Variants in SEMA6D observed in about 807,000 individuals in gnomAD.
SEMA6D encodes semaphorin 6D, also known as semaphorin-6D.
SEMA6D carries 35 observed loss-of-function variants against 106.6 expected under a neutral mutation model. The ratio of observed to expected loss-of-function variants is 0.33; its 90% confidence interval spans 0.25 to 0.44. The LOEUF is 0.44. Ranked by LOEUF, SEMA6D falls within the 20% of genes least tolerant of loss-of-function variation. The pLI is 1.00. For missense variants in SEMA6D, 1,185 were observed against 1,345.9 expected, an observed-to-expected ratio of 0.88 and a Z score of 1.87; for synonymous variants, 499 against 487.7, an observed-to-expected ratio of 1.02 and a Z score of -0.31.
intron 4 of SEMA6D, among the ~76,000 whole-genome samples, chr15:47,690,107 G>A (rs2078554001): frequency 6.6e-6 from 1 of 152,286 alleles, no homozygotes; most frequent in African/African-American, 2.4e-5. Context: ...ATTACACCTT[G>A]CGCTGCCCAT....
intron 4 of SEMA6D, among the ~76,000 whole-genome samples, chr15:47,666,014 G>A (rs368926059): frequency 2.6e-5 from 4 of 152,186 alleles, no homozygotes; most frequent in South Asian, 2.1e-4. Flanking sequence ...CCAATTCTTC[G>A]ACTGCAAAAC....
chr15:47,510,657 G>T (rs2044198214), intron 3 of SEMA6D, among the ~76,000 whole-genome samples: 1 of 152,196 alleles, frequency 6.6e-6, no homozygotes, highest in Non-Finnish European at 1.5e-5. Context: ...GAATGCACAG[G>T]TGCAGTGTGA....
intron 1 of SEMA6D, among the ~76,000 whole-genome samples, chr15:47,227,486 C>CTT (rs1181202504): frequency 2.8e-4 from 13 of 47,214 alleles, no homozygotes; most frequent in African/African-American, 9.1e-4. Context: ...CTTTCTTTTT[C>CTT]TTTCTTTCTT....
chr15:47,291,491 A>G (rs905662386), intron 1 of SEMA6D, among the ~76,000 whole-genome samples: 4 of 152,126 alleles, frequency 2.6e-5, no homozygotes, highest in Admixed American at 6.5e-5. Flanking sequence ...AGCCTTTAGG[A>G]AGCCCATGTT....
At chr15:47,745,408 G>T (rs2081072691) in intron 1 of SEMA6D, among the ~76,000 whole-genome samples, 1 of 152,218 alleles carries the variant, frequency 6.6e-6, no homozygotes. Flanking sequence ...CAAAGCTGGG[G>T]CACCTACCTG....
intron 2 of SEMA6D, among the ~76,000 whole-genome samples, chr15:47,420,769 G>A (rs998804435): frequency 2.0e-5 from 3 of 152,074 alleles, no homozygotes; most frequent in Non-Finnish European, 4.4e-5. Flanking sequence ...CATTCTATGG[G>A]ACTATAATAA....
intron 4 of SEMA6D, among the ~76,000 whole-genome samples, chr15:47,630,424 T>C (rs1314070897): frequency 6.6e-6 from 1 of 151,952 alleles, no homozygotes. Flanking sequence ...TTCGTTGTTA[T>C]GTAGAAATGA....
chr15:47,383,121 G>A (rs978590287), intron 1 of SEMA6D, among the ~76,000 whole-genome samples: 1 of 152,150 alleles, frequency 6.6e-6, no homozygotes, highest in African/African-American at 2.4e-5. Context: ...GTCCTGATGA[G>A]GACAATATCT....
chr15:47,390,336 C>G (rs1432210091), intron 1 of SEMA6D, among the ~76,000 whole-genome samples: 1 of 152,132 alleles, frequency 6.6e-6, no homozygotes, highest in African/African-American at 2.4e-5. Flanking sequence ...TTGCTTAAGT[C>G]CCCTTAACTA....
intron 4 of SEMA6D, among the ~76,000 whole-genome samples, chr15:47,686,329 T>C (rs2078468234): frequency 6.6e-6 from 1 of 152,240 alleles, no homozygotes; most frequent in South Asian, 2.1e-4. Context: ...TCTGAAACTT[T>C]CTTTAAGTGC....
At chr15:47,580,597 T>C (rs887178760) in intron 3 of SEMA6D, among the ~76,000 whole-genome samples, 3 of 152,278 alleles carry the variant, frequency 2.0e-5, no homozygotes, top group African/African-American at 7.2e-5. Context: ...ATCACTACCA[T>C]GTGCAAAGAG....
chr15:47,352,954 TA>T (rs767507479), intron 1 of SEMA6D, among the ~76,000 whole-genome samples: 2 of 152,308 alleles, frequency 1.3e-5, no homozygotes, highest in Admixed American at 6.5e-5. Flanking sequence ...ACTGGGACCT[TA>T]ATATCTAACA....
At chr15:47,697,805 C>T (rs940376221) in intron 4 of SEMA6D, among the ~76,000 whole-genome samples, 1 of 152,214 alleles carries the variant, frequency 6.6e-6, no homozygotes, top group African/African-American at 2.4e-5. Flanking sequence ...AGGCGAAGGG[C>T]TTATAGCATC....
At chr15:47,316,095 T>A (rs1209494847) in intron 1 of SEMA6D, among the ~76,000 whole-genome samples, 6 of 79,462 alleles carry the variant, frequency 7.6e-5, no homozygotes, top group Non-Finnish European at 2.6e-5. Flanking sequence ...AGTATGCCAT[T>A]TATTTCCTTT....
At chr15:47,188,587 G>C (rs1893733130) in intron 1 of SEMA6D, among the ~76,000 whole-genome samples, 1 of 152,092 alleles carries the variant, frequency 6.6e-6, no homozygotes, top group African/African-American at 2.4e-5. Context: ...GAGCCCATGG[G>C]AGATTTAATT....
intron 4 of SEMA6D, among the ~76,000 whole-genome samples, chr15:47,689,751 G>C (rs1638634070): frequency 6.6e-6 from 1 of 152,220 alleles, no homozygotes; most frequent in Non-Finnish European, 1.5e-5. Context: ...AGGACTTCCT[G>C]TTTCAGAGCA....
intron 3 of SEMA6D, among the ~76,000 whole-genome samples, chr15:47,494,610 A>C (rs1479664929): frequency 6.6e-6 from 1 of 151,058 alleles, no homozygotes; most frequent in Non-Finnish European, 1.5e-5. Flanking sequence ...ATTATAATGT[A>C]TTTAGCATGA....
chr15:47,766,284 T>G (rs1163175943), intron 15 of SEMA6D, 102 bp downstream of exon 15: 30 of 1,061,324 alleles, frequency 2.8e-5, no homozygotes, highest in Middle Eastern at 2.1e-4. Flanking sequence ...TTTCTTTTTT[T>G]TTGTTGTTAT....
At chr15:47,390,326 T>G (rs1009291503) in intron 1 of SEMA6D, among the ~76,000 whole-genome samples, 2 of 152,142 alleles carry the variant, frequency 1.3e-5, no homozygotes, top group African/African-American at 4.8e-5. Context: ...TCTATTATAT[T>G]TGCTTAAGTC....
Sources: gnomAD v4.1 joint callset for allele counts (sites outside exome capture counted in the v4.1 genomes callset) on GRCh38, gnomAD v4.1.1 for gene constraint, MANE v1.5 for transcripts, NCBI Gene and HGNC (gene_info 2026-07-23, HGNC 2026-07-21) for gene names.